The following SGSM3 variants were observed in gnomAD, a reference collection of about 807,000 sequenced individuals.
The protein encoded by SGSM3 is small G protein signaling modulator 3, also known as RUN and SH3 containing 3.
Under a neutral mutation model 100.5 loss-of-function variants are expected in SGSM3, and 96 were observed. The observed-to-expected ratio is 0.96, with a 90% CI of 0.81 to 1.13. The LOEUF (loss-of-function observed/expected upper bound fraction) is 1.13, where lower values mean the gene tolerates loss of function less well. Ranked by LOEUF, SGSM3 falls within the 50% of genes most tolerant of loss-of-function variation. The pLI is 0.00. For missense variants in SGSM3, 1,001 were observed against 1,015.8 expected, an observed-to-expected ratio of 0.99 and a Z score of 0.20; for synonymous variants, 483 against 422.8, an observed-to-expected ratio of 1.14 and a Z score of -1.75.
intron 4 of SGSM3, 89 bp from the exon 5 acceptor site, chr22:40,404,158 T>A: frequency 8.6e-7 from 1 of 1,157,170 alleles, no homozygotes; most frequent in Non-Finnish European, 1.2e-6. Context: ...GCCATGAAGC[T>A]CAGACCCTCC....
At position 40,408,126 on chromosome 22, in the gene SGSM3, G is replaced by T; in HGVS notation, c.1629+6G>T. The T allele has an allele frequency of 1.2e-6, 2 of 1,611,030 alleles. No homozygotes were observed. The highest frequency in any genetic ancestry group is 8.5e-7 in the Non-Finnish European group (1 of 1,177,860). On this transcript the variant is annotated splice_donor_region_variant and intron_variant, in intron 15 of 21. Coordinates refer to ENST00000248929, the MANE Select transcript of SGSM3 (RefSeq NM_015705.6). ...TGGATGAGCGCAGCAAAGAGGTGAG[G>T]GGGGTGGGCGGGCTAGGCACGGCTG...
Position 40,404,470 on chromosome 22 carries a change from G to A in SGSM3, c.366+15G>A, listed in dbSNP as rs781589141. On this transcript the variant is annotated intron_variant, in intron 5 of 21. Coordinates refer to ENST00000248929, the MANE Select transcript of SGSM3 (RefSeq NM_015705.6). ...TGAGGCCACAGGTAAGGTGGCCACAGGGACCCACAGGGTGTTGAGAGGGTC... is the reference window on the plus strand; with the variant it reads ...TGAGGCCACAGGTAAGGTGGCCACAAGGACCCACAGGGTGTTGAGAGGGTC... The A allele has an allele frequency of 5.0e-6, 8 of 1,606,976 alleles. No individual in the cohort carries two copies. Among genetic ancestry groups the A allele is most frequent in the Non-Finnish European group, 6.0e-6 (7 of 1,175,770 alleles).
chr22:40,378,755 A>T (rs1476023734), intron 1 of SGSM3, among the ~76,000 whole-genome samples: 2 of 151,780 alleles, frequency 1.3e-5, no homozygotes, highest in Non-Finnish European at 2.9e-5. Context: ...CAATAATAAT[A>T]ATCTAATGGG....
At chr22:40,371,144 G>T (rs1025355085) in intron 1 of SGSM3, among the ~76,000 whole-genome samples, 8 of 152,356 alleles carry the variant, frequency 5.3e-5, no homozygotes, top group Non-Finnish European at 1.2e-4. Flanking sequence ...CAGAACCCGG[G>T]CTCGGATCCA....
In SGSM3 at chr22:40,410,056, G is replaced by C. The variant is rs2052395731; in HGVS notation, c.*297G>C. On this transcript the variant is annotated 3_prime_UTR_variant, in exon 22 of 22. Coordinates refer to ENST00000248929, the MANE Select transcript of SGSM3 (RefSeq NM_015705.6). Reference sequence around the variant, plus strand: ...AGAGGGAAGGGGATGGGGGTGGCTAGTAGGCTCCTGGCCTCTTTGGTTTAT... The same window carrying C: ...AGAGGGAAGGGGATGGGGGTGGCTACTAGGCTCCTGGCCTCTTTGGTTTAT... 2 of 1,294,208 alleles carry C rather than the reference G, an allele frequency of 1.5e-6. No homozygotes were observed. The highest frequency in any genetic ancestry group is 2.3e-5 in the South Asian group (1 of 43,032). The allele number at this position is 1,294,208 out of a possible 1,614,324, so 80.2% of individuals were successfully genotyped here. A position where few individuals can be genotyped will look rare whatever the true frequency, so the allele number is the denominator to read the frequency against.
In SGSM3 at chr22:40,386,025, G is replaced by T. The variant is rs988802446; in HGVS notation, c.-111-14671G>T. Among the ~76,000 whole-genome samples the T allele has an allele frequency of 1.0e-4, 15 of 145,200 alleles. 1 individual carries two copies. The highest frequency in any genetic ancestry group is 2.0e-4 in the East Asian group (1 of 4,948). ...CGCCACCATGCCCGGCTAATTTTTT[G>T]TTTTTTTTTTTGTTTTTTTTGTTTT... is the stretch of plus-strand genomic sequence containing the variant. On this transcript the variant is annotated intron_variant, in intron 1 of 21. Coordinates refer to ENST00000248929, the MANE Select transcript of SGSM3 (RefSeq NM_015705.6).
intron 1 of SGSM3, among the ~76,000 whole-genome samples, chr22:40,399,520 T>C (rs1458569174): frequency 6.6e-6 from 1 of 152,198 alleles, no homozygotes; most frequent in Non-Finnish European, 1.5e-5. Flanking sequence ...GGGAGTCCAT[T>C]TGGAAACTAT....
intron 1 of SGSM3, among the ~76,000 whole-genome samples, chr22:40,371,977 G>A (rs899574985): frequency 2.0e-5 from 3 of 152,162 alleles, no homozygotes; most frequent in Non-Finnish European, 4.4e-5. Context: ...TGGGATTACA[G>A]GCGTGAGCCA....
chr22:40,393,254 C>T (rs2049598144), intron 1 of SGSM3, among the ~76,000 whole-genome samples: 1 of 152,182 alleles, frequency 6.6e-6, no homozygotes, highest in South Asian at 2.1e-4. Flanking sequence ...ATAGCTGGGA[C>T]TAAGAGGCGC....
At chr22:40,381,238 C>T (rs2047521189) in intron 1 of SGSM3, among the ~76,000 whole-genome samples, 1 of 151,956 alleles carries the variant, frequency 6.6e-6, no homozygotes, top group South Asian at 2.1e-4. Context: ...ACCTCCACCT[C>T]CAGGGCTCAG....
chr22:40,376,425 A>G (rs571327143), intron 1 of SGSM3: 6 of 152,082 alleles, frequency 3.9e-5, no homozygotes, highest in Admixed American at 1.3e-4. Flanking sequence ...AGTTGCTGTG[A>G]TTACAGGTGC....
rs776935407 is a variant in SGSM3, at chr22:40,409,261, T to A, written c.2000T>A (p.Leu667Gln). 6.2e-7 allele frequency: 1 copy of A among 1,608,596 alleles called. No homozygotes were observed. The highest frequency in any genetic ancestry group is 8.5e-7 in the Non-Finnish European group (1 of 1,178,914). ...LICVGLNEQV[L>Q]HLWLEVLCSS... ...GGCCATGTCCCCAGTGAGCAGGTGC[T>A]GCACCTGTGGCTGGAGGTGCTCTGC... The change falls in exon 20 of 22, where the codon CTG (leucine) becomes CAG (glutamine). Residue 667 changes from leucine (L) to glutamine (Q), a missense_variant. Physicochemically the swap from Leu to Gln is moderately radical, Grantham distance 113. Coordinates refer to ENST00000248929, the MANE Select transcript of SGSM3 (RefSeq NM_015705.6).
chr22:40,409,853 G>GGAAGAGCAGCT lies in SGSM3; in HGVS notation c.*94_*95insGAAGAGCAGCT. ...AGGGAAGAGCAGCTCCAGAGCCCTG[G>GGAAGAGCAGCT]CCGGGGCCGCGGGATATCAATATCA... On this transcript the variant is annotated 3_prime_UTR_variant, in exon 22 of 22. Transcript: ENST00000248929. 4 of 1,502,436 alleles carry GGAAGAGCAGCT rather than the reference G, an allele frequency of 2.7e-6. No homozygotes were observed. Among genetic ancestry groups the GGAAGAGCAGCT allele is most frequent in the Admixed American group, 2.2e-5 (1 of 44,510 alleles). 93.1% of individuals were successfully genotyped at this position (1,502,436 alleles called of 1,614,324 possible). A position where few individuals can be genotyped will look rare whatever the true frequency, so the allele number is the denominator to read the frequency against.
intron 1 of SGSM3, among the ~76,000 whole-genome samples, chr22:40,385,418 C>T (rs2048258100): frequency 6.6e-6 from 1 of 151,994 alleles, no homozygotes; most frequent in Admixed American, 6.6e-5. Context: ...GACACGAAGC[C>T]ATTGGAGAAG....
At chr22:40,404,492 G>A (rs1393962005) in intron 5 of SGSM3, 37 bp downstream of exon 5, 2 of 1,610,478 alleles carry the variant, frequency 1.2e-6, no homozygotes, top group Admixed American at 1.7e-5. Flanking sequence ...GTGTTGAGAG[G>A]GTCCTGGCCC....
chr22:40,372,410 C>T (rs147019181), intron 1 of SGSM3, among the ~76,000 whole-genome samples: 2,767 of 152,130 alleles, frequency 0.018, 87 homozygotes, highest in African/African-American at 0.064. Flanking sequence ...CAGGCGTGAG[C>T]CACCGTGCCT....
rs2146981956 is a variant in SGSM3 at position 40,405,300 on chromosome 22, G to A, written c.618+16G>A. On this transcript the variant is annotated intron_variant, in intron 7 of 21. Transcript: ENST00000248929. ...CACCGGCATGGTGAGCACAGCCCCA[G>A]AAAGGGCAGTGGCAGCCCCAGGACC... 1 of 1,478,190 alleles carries A rather than the reference G, an allele frequency of 6.8e-7. No homozygotes were observed. The highest frequency in any genetic ancestry group is 9.0e-7 in the Non-Finnish European group (1 of 1,113,694). The allele number at this position is 1,478,190 out of a possible 1,614,324, so 91.6% of individuals were successfully genotyped here.
chr22:40,390,844 A>G (rs1035532439), intron 1 of SGSM3, among the ~76,000 whole-genome samples: 1 of 152,212 alleles, frequency 6.6e-6, no homozygotes, highest in African/African-American at 2.4e-5. Flanking sequence ...GGGGAGCAGT[A>G]GAGAGCCAAG....
intron 1 of SGSM3, among the ~76,000 whole-genome samples, chr22:40,396,880 A>C (rs1458088747): frequency 6.6e-6 from 1 of 152,200 alleles, no homozygotes; most frequent in Non-Finnish European, 1.5e-5. Context: ...TGTGCTTTTT[A>C]AACAAAATTT....
Sources: gnomAD v4.1 joint callset for allele counts (sites outside exome capture counted in the v4.1 genomes callset) on GRCh38, gnomAD v4.1.1 for gene constraint, MANE v1.5 for transcripts, NCBI Gene and HGNC (gene_info 2026-07-23, HGNC 2026-07-21) for gene names.